TPST2: variants seen among roughly 807,000 people sequenced by gnomAD.
TPST2 encodes the protein tyrosylprotein sulfotransferase 2, also known as protein-tyrosine sulfotransferase 2.
Under a neutral mutation model 27.8 loss-of-function variants are expected in TPST2, and 16 were observed. The observed-to-expected ratio is 0.58, with a 90% CI of 0.39 to 0.88. The LOEUF is 0.88. Ranked by LOEUF, TPST2 falls within the 40% of genes least tolerant of loss-of-function variation. The probability of loss-of-function intolerance (pLI) is 0.00; values close to 1 mark genes in which losing one functional copy is unlikely to be tolerated. For synonymous variants in TPST2, 229 were observed against 231.7 expected, an observed-to-expected ratio of 0.99 and a Z score of 0.10; for missense variants, 464 against 543.1, an observed-to-expected ratio of 0.85 and a Z score of 1.45.
intron 1 of TPST2, among the ~76,000 whole-genome samples, chr22:26,572,775 T>C (rs1179892179): frequency 6.6e-6 from 1 of 151,986 alleles, no homozygotes; most frequent in Admixed American, 6.6e-5. Context: ...GTCTGGTGGG[T>C]TTTTTTTCTT....
Position 26,524,504 on chromosome 22 carries a change from C to T in TPST2, c.*1771G>A, listed in dbSNP as rs1357473884. 7.2e-6 allele frequency: 1 copy of T among 138,990 alleles called. No individual in the cohort carries two copies. The highest frequency in any genetic ancestry group is 3.0e-5 in the African/African-American group (1 of 33,702). The allele number at this position is 138,990 out of a possible 1,614,324, so 8.6% of individuals were successfully genotyped here. A position where few individuals can be genotyped will look rare whatever the true frequency, so the allele number is the denominator to read the frequency against. Reference sequence around the variant, plus strand: ...CCTGAGTGACAGAGCGAGATTCTGTCTAAACACACACATACACACATACAC... The same window carrying T: ...CCTGAGTGACAGAGCGAGATTCTGTTTAAACACACACATACACACATACAC... On this transcript the variant is annotated 3_prime_UTR_variant, in exon 7 of 7. Transcript: ENST00000338754.
intron 1 of TPST2, among the ~76,000 whole-genome samples, chr22:26,579,411 A>T (rs1602304596): frequency 6.6e-6 from 1 of 152,208 alleles, no homozygotes; most frequent in East Asian, 1.9e-4. Flanking sequence ...CTTCTTCCCC[A>T]CAGCCCTGGG....
At position 26,523,983 on chromosome 22, in the gene TPST2, A is replaced by AT. The variant is rs58297861; in HGVS notation, c.*2291dup. 0.084 allele frequency: 12,662 copies of AT among 150,522 alleles called. 719 individuals carry two copies. Among genetic ancestry groups the AT allele is most frequent in the East Asian group, 0.13 (666 of 5,136 alleles). The allele number at this position is 150,522 out of a possible 1,614,324, so 9.3% of individuals were successfully genotyped here. A position where few individuals can be genotyped will look rare whatever the true frequency, so the allele number is the denominator to read the frequency against. On this transcript the variant is annotated 3_prime_UTR_variant, in exon 7 of 7. Transcript: ENST00000338754. Reference sequence around the variant, plus strand: ...AGGTAACTCCTGGAACCAGACATAAATTTTTTTTTTGGGGTGTGTGGTGAT... The same window carrying AT: ...AGGTAACTCCTGGAACCAGACATAAATTTTTTTTTTTGGGGTGTGTGGTGAT...
chr22:26,583,974 GGA>G (rs1928234578), intron 1 of TPST2, among the ~76,000 whole-genome samples: 1 of 152,252 alleles, frequency 6.6e-6, no homozygotes, highest in South Asian at 2.1e-4. Flanking sequence ...ACAGTGACTG[GGA>G]GAGTCCAGGC....
chr22:26,541,144 G>C lies in TPST2; in HGVS notation c.487C>G (p.Leu163Val). The C allele has an allele frequency of 6.2e-7, 1 of 1,607,204 alleles. No individual in the cohort carries two copies. The highest frequency in any genetic ancestry group is 2.2e-5 in the East Asian group (1 of 44,766). ...RVLCNKDPFT[L>V]KSSVYLSRLF... ...CGCGACAGGTAGACCGAGGACTTGA[G>C]CGTAAATGGGTCCTTGTTGCAGAGC... Residue 163 changes from leucine to valine, a missense_variant, in exon 3 of 7, where the codon CTC becomes GTC. Coordinates refer to ENST00000338754, the MANE Select transcript of TPST2 (RefSeq NM_003595.5). This position sits in a 1 kb window ranked among gnomAD's most constrained non-coding sequence, Gnocchi z 5.9.
At chr22:26,576,214 T>C (rs1048269558) in intron 1 of TPST2, among the ~76,000 whole-genome samples, 13 of 152,160 alleles carry the variant, frequency 8.5e-5, no homozygotes, top group African/African-American at 3.1e-4. Flanking sequence ...CCACCCCATA[T>C]GCCTTGGAAG....
chr22:26,588,597 G>A (rs952691377), intron 1 of TPST2, among the ~76,000 whole-genome samples: 1 of 152,158 alleles, frequency 6.6e-6, no homozygotes, highest in African/African-American at 2.4e-5. Context: ...TTAAAAATCA[G>A]GTGATACAAA....
chr22:26,582,329 G>C (rs1471981241), intron 1 of TPST2, among the ~76,000 whole-genome samples: 1 of 152,046 alleles, frequency 6.6e-6, no homozygotes, highest in Non-Finnish European at 1.5e-5. Context: ...TGGGAGGCTG[G>C]GGCAGGAGAA....
Position 26,543,707 on chromosome 22 carries a change from A to C in TPST2, c.-89+897T>G, listed in dbSNP as rs569365999. On this transcript the variant is annotated intron_variant, in intron 2 of 6. Transcript: ENST00000338754. ...GTATCTAAGCTCAAAGAGATGAAGCAGCTTGCCCAAGGTTGCATGGCCAGG... is the reference window on the plus strand; with the variant it reads ...GTATCTAAGCTCAAAGAGATGAAGCCGCTTGCCCAAGGTTGCATGGCCAGG... Among the ~76,000 whole-genome samples, 3 of 152,370 alleles carry C rather than the reference A, an allele frequency of 2.0e-5. No individual in the cohort carries two copies. The East Asian group carries it at 5.8e-4, about 29-fold the overall frequency.
Position 26,540,877 on chromosome 22 carries a change from T to C in TPST2, c.754A>G (p.Ile252Val). 6.2e-7 allele frequency: 1 copy of C among 1,613,416 alleles called. No individual in the cohort carries two copies. The highest frequency in any genetic ancestry group is 2.2e-5 in the East Asian group (1 of 44,874). ...VLHPRRSLKLILDFLGIAWSD... is the reference protein window; with the variant it reads ...VLHPRRSLKLVLDFLGIAWSD... ...CAGGCGATGCCGAGGAAGTCGAGGA[T>C]GAGCTTGAGTGAGCGCCTGGGGTGC... Residue 252 changes from isoleucine (I) to valine (V), a missense_variant, in exon 3 of 7, where the codon ATC becomes GTC. Ile to Val is a conservative substitution (Grantham distance 29). Coordinates refer to ENST00000338754, the MANE Select transcript of TPST2 (RefSeq NM_003595.5).
At chr22:26,585,164 A>G (rs1479868930) in intron 1 of TPST2, among the ~76,000 whole-genome samples, 1 of 152,186 alleles carries the variant, frequency 6.6e-6, no homozygotes, top group African/African-American at 2.4e-5. Flanking sequence ...AGTGCCCCCT[A>G]GCTCCCTATC....
At chr22:26,570,013 A>C (rs1479707777) in intron 1 of TPST2, among the ~76,000 whole-genome samples, 49 of 94,800 alleles carry the variant, frequency 5.2e-4, no homozygotes, top group South Asian at 1.8e-3. Context: ...GAAAGAAAGA[A>C]AGAAAGAAAG....
At chr22:26,548,972 G>GA (rs957682741) in intron 1 of TPST2, among the ~76,000 whole-genome samples, 27 of 150,462 alleles carry the variant, frequency 1.8e-4, no homozygotes, top group Non-Finnish European at 2.7e-4. Context: ...TGCCTCAAAA[G>GA]AAAAAAAAAT....
intron 1 of TPST2, among the ~76,000 whole-genome samples, chr22:26,588,673 C>T (rs1448109460): frequency 6.6e-6 from 1 of 152,124 alleles, no homozygotes; most frequent in Non-Finnish European, 1.5e-5. Flanking sequence ...AGAAATGACC[C>T]AACAGTTCCT....
intron 1 of TPST2, chr22:26,560,472 G>T: frequency 1.3e-6 from 1 of 746,148 alleles, no homozygotes; most frequent in South Asian, 1.6e-5. Context: ...CGGGGCAAGT[G>T]AGAGCCGGAC....
chr22:26,579,984 T>C (rs1928032269), intron 1 of TPST2, among the ~76,000 whole-genome samples: 1 of 151,974 alleles, frequency 6.6e-6, no homozygotes, highest in Non-Finnish European at 1.5e-5. Flanking sequence ...GAGGCTTACG[T>C]CTGTAATCCC....
chr22:26,585,518 C>CG (rs966629200), intron 1 of TPST2, among the ~76,000 whole-genome samples: 4 of 152,116 alleles, frequency 2.6e-5, no homozygotes, highest in African/African-American at 9.7e-5. Context: ...GGCCCCAGAC[C>CG]GGGTACATGC....
intron 1 of TPST2, among the ~76,000 whole-genome samples, chr22:26,579,325 C>T (rs933000775): frequency 1.3e-5 from 2 of 152,176 alleles, no homozygotes; most frequent in Non-Finnish European, 2.9e-5. Context: ...GAAGGGTAGC[C>T]GACACTCCCC....
chr22:26,532,662 A>G, intron 5 of TPST2, 33 bp downstream of exon 5: 2 of 1,610,194 alleles, frequency 1.2e-6, no homozygotes, highest in South Asian at 1.1e-5. Flanking sequence ...GCTGAGAAAG[A>G]CAGAATTCGG....
Sources: gnomAD v4.1 joint callset for allele counts (sites outside exome capture counted in the v4.1 genomes callset) on GRCh38, gnomAD v4.1.1 for gene constraint, Gnocchi (gnomAD v3.1) non-coding constraint, MANE v1.5 for transcripts, NCBI Gene and HGNC (gene_info 2026-07-23, HGNC 2026-07-21) for gene names.